Variants in ARHGEF3 observed in about 807,000 individuals in gnomAD.
ARHGEF3 encodes the protein Rho guanine nucleotide exchange factor 3.
In ARHGEF3, 28 loss-of-function variants were observed where a neutral mutation model predicts 63.2. The observed-to-expected ratio is 0.44, with a 90% CI of 0.33 to 0.61. ARHGEF3 has a LOEUF of 0.61. Among genes scored for constraint, ARHGEF3 ranks in the 20% least tolerant of loss-of-function variants. The pLI is 0.03. For missense variants in ARHGEF3, 533 were observed against 659.3 expected (o/e 0.81, Z 2.10); for synonymous variants, 266 against 254.2 (o/e 1.05, Z -0.44).
intron 2 of ARHGEF3, chr3:56,977,236 C>A (rs139341144): frequency 6.6e-6 from 3 of 456,344 alleles, no homozygotes; most frequent in Non-Finnish European, 1.3e-5. Flanking sequence ...CAAACTGGGG[C>A]GAGAAAAATG....
intron 2 of ARHGEF3, among the ~76,000 whole-genome samples, chr3:57,011,772 C>T (rs1015191615): frequency 3.3e-5 from 5 of 152,176 alleles, no homozygotes; most frequent in Admixed American, 1.3e-4. Flanking sequence ...CACTCCCAAT[C>T]CCTTACAGCT....
chr3:56,964,336 G>A (rs568559450), intron 2 of ARHGEF3, among the ~76,000 whole-genome samples: 1 of 129,498 alleles, frequency 7.7e-6, no homozygotes, highest in South Asian at 2.5e-4. Context: ...CTGGGTGAAA[G>A]AGCAAGACTG....
intron 2 of ARHGEF3, among the ~76,000 whole-genome samples, chr3:56,764,832 C>T (rs1213025040): frequency 1.3e-5 from 2 of 151,076 alleles, no homozygotes; most frequent in African/African-American, 4.9e-5. Context: ...TCTCAGCTCA[C>T]TGCAGCCTCC....
Position 57,022,598 on chromosome 3 carries a change from C to T in ARHGEF3, c.62+12490G>A, listed in dbSNP as rs115486417. 3.9e-3 allele frequency among the ~76,000 whole-genome samples: 591 copies of T among 152,282 alleles called. 4 individuals are homozygous for T. The highest frequency in any genetic ancestry group is 0.014 in the African/African-American group (566 of 41,546). The stretch of plus-strand genomic sequence containing the variant: ...TACTTGTGTGAATGTTGGTGGCATG[C>T]TTGAAACTCACAGCTGTACCCAAAC... On this transcript the variant is annotated intron_variant, in intron 2 of 12. Coordinates refer to the ARHGEF3 transcript ENST00000338458.
rs147680627 is a variant in ARHGEF3, at chr3:56,965,381, T to C, written c.63-6492A>G. On this transcript the variant is annotated intron_variant, in intron 2 of 12. Transcript: ENST00000338458. ...TTATTAAAACTGTCCCAAGAAGAAA[T>C]AGAAAGCCTGAATAGCCTTATAATT... Among the ~76,000 whole-genome samples the C allele has an allele frequency of 1.7e-3, 252 of 152,100 alleles. 2 individuals carry two copies. The highest frequency in any genetic ancestry group is 5.2e-3 in the South Asian group (25 of 4,820).
At chr3:57,035,704 C>A (rs1044133040) in intron 1 of ARHGEF3, among the ~76,000 whole-genome samples, 1 of 152,204 alleles carries the variant, frequency 6.6e-6, no homozygotes, top group Admixed American at 6.5e-5. Context: ...TATCTGGGTT[C>A]CCAGTGGAAC....
chr3:56,825,875 A>G (rs925215332), intron 4 of ARHGEF3, among the ~76,000 whole-genome samples: 2 of 152,132 alleles, frequency 1.3e-5, no homozygotes, highest in Non-Finnish European at 2.9e-5. Context: ...CTCGGAGCTT[A>G]TGGTTAAAAT....
intron 2 of ARHGEF3, among the ~76,000 whole-genome samples, chr3:56,985,879 A>G (rs1701516550): frequency 6.6e-6 from 1 of 152,322 alleles, no homozygotes; most frequent in South Asian, 2.1e-4. Flanking sequence ...GCAAGGGGCA[A>G]TGTGATGCCG....
chr3:57,020,316 G>GA (rs975288665), intron 2 of ARHGEF3, among the ~76,000 whole-genome samples: 1 of 152,186 alleles, frequency 6.6e-6, no homozygotes, highest in Non-Finnish European at 1.5e-5. Flanking sequence ...TCTCACTTGT[G>GA]AAAAAGGACA....
At chr3:56,754,040 C>T (rs1241286063) in intron 3 of ARHGEF3, among the ~76,000 whole-genome samples, 1 of 152,176 alleles carries the variant, frequency 6.6e-6, no homozygotes, top group Non-Finnish European at 1.5e-5. Context: ...TTTGTATTAT[C>T]CACTGCCTTG....
At chr3:56,819,986 T>C (rs1426590912) in intron 4 of ARHGEF3, among the ~76,000 whole-genome samples, 1 of 152,134 alleles carries the variant, frequency 6.6e-6, no homozygotes, top group Non-Finnish European at 1.5e-5. Context: ...ATTTTTTTAG[T>C]TTTTGTAGAC....
At chr3:57,003,280 G>A (rs1157243110) in intron 2 of ARHGEF3, among the ~76,000 whole-genome samples, 1 of 151,140 alleles carries the variant, frequency 6.6e-6, no homozygotes, top group African/African-American at 2.4e-5. Flanking sequence ...GCGCACTCCT[G>A]TAGTCCCAGC....
At chr3:56,944,425 A>C (rs1699359342) in intron 3 of ARHGEF3, among the ~76,000 whole-genome samples, 1 of 152,176 alleles carries the variant, frequency 6.6e-6, no homozygotes, top group Non-Finnish European at 1.5e-5. Context: ...TCCGTGTTGG[A>C]AGTCACTGCA....
chr3:57,016,542 C>T (rs952240290), intron 2 of ARHGEF3, among the ~76,000 whole-genome samples: 5 of 151,786 alleles, frequency 3.3e-5, no homozygotes, highest in Non-Finnish European at 5.9e-5. Flanking sequence ...AGCGAAACTC[C>T]GTCTCAAAAA....
At chr3:56,891,393 G>A (rs1176768457) in intron 3 of ARHGEF3, among the ~76,000 whole-genome samples, 2 of 148,530 alleles carry the variant, frequency 1.3e-5, no homozygotes, top group Non-Finnish European at 3.0e-5. Context: ...CCTTTTTCTA[G>A]GATCCAGGAA....
At chr3:56,971,869 AT>A (rs1700926790) in intron 2 of ARHGEF3, among the ~76,000 whole-genome samples, 1 of 151,914 alleles carries the variant, frequency 6.6e-6, no homozygotes, top group African/African-American at 2.4e-5. Context: ...ATAAAAAAAA[AT>A]TTTAAAAAGC....
chr3:57,004,197 C>A (rs1382153061), intron 2 of ARHGEF3, among the ~76,000 whole-genome samples: 1 of 152,192 alleles, frequency 6.6e-6, no homozygotes, highest in Admixed American at 6.5e-5. Flanking sequence ...CCTGACCTTC[C>A]CAGCAGAATG....
intron 4 of ARHGEF3, among the ~76,000 whole-genome samples, chr3:56,876,681 CAA>C (rs57550315): frequency 5.4e-5 from 8 of 146,918 alleles, no homozygotes; most frequent in East Asian, 3.9e-4. Flanking sequence ...ATCAGCAAAA[CAA>C]AAAAAAAAAT....
At chr3:56,736,879 G>A (rs989034345) in intron 8 of ARHGEF3, among the ~76,000 whole-genome samples, 7 of 152,100 alleles carry the variant, frequency 4.6e-5, no homozygotes, top group African/African-American at 1.7e-4. Flanking sequence ...GATCACTTGA[G>A]CTCAGGAGTT....
Sources: gnomAD v4.1 joint callset for allele counts (sites outside exome capture counted in the v4.1 genomes callset) on GRCh38, gnomAD v4.1.1 for gene constraint, MANE v1.5 for transcripts, NCBI Gene and HGNC (gene_info 2026-07-23, HGNC 2026-07-21) for gene names.